The following TNS1 variants were observed in gnomAD, a reference collection of about 807,000 sequenced individuals.
TNS1 encodes tensin-1.
Under a neutral mutation model 168.6 loss-of-function variants are expected in TNS1, and 62 were observed. The ratio of observed to expected loss-of-function variants is 0.37; its 90% CI spans 0.30 to 0.45. The LOEUF is 0.45. Ranked by LOEUF, TNS1 falls within the 20% of genes least tolerant of loss-of-function variation. The pLI, the probability that TNS1 is intolerant of heterozygous loss-of-function variation, is 1.00. For synonymous variants in TNS1, 934 were observed against 933.2 expected (o/e 1.00, Z -0.02); for missense variants, 2,240 against 2,339.4 (o/e 0.96, Z 0.88).
In TNS1 at chr2:217,895,027, G is replaced by A; in HGVS notation, c.573C>T (p.Asp191=). The A allele has an allele frequency of 1.2e-6, 2 of 1,612,786 alleles. No individual in the cohort carries two copies. Among genetic ancestry groups the A allele is most frequent in the Non-Finnish European group, 8.5e-7 (1 of 1,179,558 alleles). ...TCACCTTGGCATGGAGCTTCGTGAT[G>A]TCAGGTCTCCGCTCAGAGAGGTTGA... ...LLFNLSERRP[D]ITKLHAKVLE... is the part of the protein sequence containing the mutation. Residue 191 remains aspartate, a synonymous_variant, in exon 9 of 33, where the codon GAC becomes GAT. Coordinates refer to ENST00000682258, the MANE Select transcript of TNS1 (RefSeq NM_001387777.1).
rs148474011 is a variant in TNS1, at chr2:217,943,365, GC to G, written c.187-23130del. Among the ~76,000 whole-genome samples the G allele has an allele frequency of 4.3e-3, 648 of 152,282 alleles. 7 individuals carry two copies. The highest frequency in any genetic ancestry group is 0.014 in the African/African-American group (588 of 41,554). On this transcript the variant is annotated intron_variant, in intron 3 of 32. Transcript: ENST00000682258. The stretch of plus-strand genomic sequence containing the variant: ...CTAAGTGAGCCCCTAGAAGAAAGGT[GC>G]CCTCACAGCAGCTCAAGTGGGTGGC...
intron 2 of TNS1, among the ~76,000 whole-genome samples, chr2:217,981,569 C>T (rs938037287): frequency 3.9e-5 from 6 of 152,248 alleles, no homozygotes; most frequent in African/African-American, 1.4e-4. Context: ...CCCACCCCAG[C>T]TCCCAGCCCA....
chr2:218,027,927 G>A (rs1958863533), intron 1 of TNS1, among the ~76,000 whole-genome samples: 1 of 152,194 alleles, frequency 6.6e-6, no homozygotes, highest in Non-Finnish European at 1.5e-5. Flanking sequence ...ATACTCTCCA[G>A]GCCACACTGG....
At chr2:217,827,305 T>C (rs1460176343) in intron 22 of TNS1, among the ~76,000 whole-genome samples, 1 of 152,208 alleles carries the variant, frequency 6.6e-6, no homozygotes, top group Non-Finnish European at 1.5e-5. Context: ...AATTATTCTT[T>C]TCCCCAAGCC....
chr2:218,030,965 G>T (rs1202266532), intron 1 of TNS1, among the ~76,000 whole-genome samples: 1 of 152,004 alleles, frequency 6.6e-6, no homozygotes, highest in Non-Finnish European at 1.5e-5. Context: ...GTGTGAGCAT[G>T]TGTGTGAACT....
chr2:217,853,048 G>C (rs2125474749), intron 18 of TNS1, among the ~76,000 whole-genome samples: 1 of 152,042 alleles, frequency 6.6e-6, no homozygotes, highest in South Asian at 2.1e-4. Flanking sequence ...TCCCACCAGA[G>C]ACAAGACAAA....
intron 6 of TNS1, chr2:217,901,831 G>T (rs1391154189): frequency 1.3e-5 from 2 of 152,274 alleles, no homozygotes; most frequent in Non-Finnish European, 2.9e-5. Context: ...TGCCTACGAG[G>T]CAGGATAGGT....
chr2:217,988,825 C>T (rs1958271628), intron 2 of TNS1, among the ~76,000 whole-genome samples: 1 of 152,202 alleles, frequency 6.6e-6, no homozygotes, highest in Non-Finnish European at 1.5e-5. Context: ...AGCGACGTGA[C>T]CACTGCCAAC....
At chr2:218,024,467 G>T (rs1023120481) in intron 1 of TNS1, among the ~76,000 whole-genome samples, 1 of 152,180 alleles carries the variant, frequency 6.6e-6, no homozygotes, top group Non-Finnish European at 1.5e-5. Flanking sequence ...AATGCAGTCT[G>T]CCGGCTGCTG....
Position 217,868,463 on chromosome 2 carries a change from G to A in TNS1, c.1429+12435C>T, listed in dbSNP as rs150077608. 6.2e-4 allele frequency among the ~76,000 whole-genome samples: 94 copies of A among 152,310 alleles called. 1 individual carries two copies. Among genetic ancestry groups the A allele is most frequent in the African/African-American group, 2.0e-3 (85 of 41,566 alleles). ...CACTGGACTTGCAGCCAGAGGCCTT[G>A]GTTCAAAGTCCAGCTCAAGAACTGG... is the stretch of plus-strand genomic sequence containing the variant. On this transcript the variant is annotated intron_variant, in intron 18 of 32. Coordinates refer to ENST00000682258, the MANE Select transcript of TNS1 (RefSeq NM_001387777.1).
In TNS1 at chr2:217,849,062, T is replaced by C. The variant is rs762732731; in HGVS notation, c.1455A>G (p.Pro485=). The C allele has an allele frequency of 1.2e-6, 2 of 1,612,634 alleles. No individual in the cohort carries two copies. Among genetic ancestry groups the C allele is most frequent in the South Asian group, 1.1e-5 (1 of 91,004 alleles). Residue 485 remains proline, a synonymous_variant, in exon 19 of 33, where the codon CCA becomes CCG. Transcript: ENST00000682258. ...MEEVVGHTQG[P]LDGSLYAKVK... ...CCTTAGCATACAGGCTCCCATCTAG[T>C]GGCCCCTGCGTGTGTCCCACCACCT...
chr2:218,001,956 C>T (rs894528696), intron 1 of TNS1, among the ~76,000 whole-genome samples: 2 of 152,180 alleles, frequency 1.3e-5, no homozygotes, highest in Admixed American at 6.5e-5. Flanking sequence ...CAGCCAGGGA[C>T]GACTTCCTCA....
intron 18 of TNS1, among the ~76,000 whole-genome samples, chr2:217,872,422 A>T (rs1160820280): frequency 6.6e-6 from 1 of 152,256 alleles, no homozygotes; most frequent in Non-Finnish European, 1.5e-5. Context: ...TTTTCTAAAG[A>T]AGATCCATAA....
At chr2:217,826,520 T>G (rs1943641673) in intron 22 of TNS1, among the ~76,000 whole-genome samples, 1 of 152,124 alleles carries the variant, frequency 6.6e-6, no homozygotes, top group South Asian at 2.1e-4. Flanking sequence ...TAGGATCAGG[T>G]GAGAAGAGGC....
At chr2:217,871,386 G>A (rs966969555) in intron 18 of TNS1, among the ~76,000 whole-genome samples, 1 of 152,090 alleles carries the variant, frequency 6.6e-6, no homozygotes, top group Non-Finnish European at 1.5e-5. Context: ...ACAAAAATCA[G>A]TTCAGGGTCG....
At chr2:217,859,568 C>T in intron 18 of TNS1, 1 of 1,387,646 alleles carries the variant, frequency 7.2e-7, no homozygotes, top group Non-Finnish European at 9.9e-7. Context: ...GCTTTGGATT[C>T]TGGCTTGGCA....
intron 3 of TNS1, among the ~76,000 whole-genome samples, chr2:217,923,080 G>A (rs879341415): frequency 3.9e-5 from 6 of 152,148 alleles, no homozygotes; most frequent in Admixed American, 2.0e-4. Context: ...ATGCCCTGTG[G>A]CCCCACAGTC....
At chr2:217,850,492 G>A in intron 18 of TNS1, 1 of 984,906 alleles carries the variant, frequency 1.0e-6, no homozygotes, top group South Asian at 4.7e-5. Context: ...GGGCCAAAGG[G>A]CTGACTCAGG....
intron 4 of TNS1, among the ~76,000 whole-genome samples, chr2:217,916,943 G>A (rs1164737549): frequency 6.6e-6 from 1 of 152,328 alleles, no homozygotes; most frequent in Admixed American, 6.5e-5. Flanking sequence ...GCAGCCTACC[G>A]AGGCTGAAGG....
Sources: gnomAD v4.1 joint callset for allele counts (sites outside exome capture counted in the v4.1 genomes callset) on GRCh38, gnomAD v4.1.1 for gene constraint, MANE v1.5 for transcripts, NCBI Gene and HGNC (gene_info 2026-07-23, HGNC 2026-07-21) for gene names.